SPTLC2: variants seen among roughly 807,000 people sequenced by gnomAD.
The protein encoded by SPTLC2 is serine palmitoyltransferase long chain base subunit 2.
SPTLC2 carries 21 observed loss-of-function variants against 62.0 expected under a neutral mutation model. The ratio of observed to expected loss-of-function variants is 0.34; its 90% CI spans 0.24 to 0.49. The LOEUF (loss-of-function observed/expected upper bound fraction) is 0.49, where lower values mean the gene tolerates loss of function less well. Among genes scored for constraint, SPTLC2 ranks in the 20% least tolerant of loss-of-function variants. The pLI, the probability that SPTLC2 is intolerant of heterozygous loss-of-function variation, is 0.99. For synonymous variants in SPTLC2, 261 were observed against 261.8 expected (o/e 1.00, Z 0.03); for missense variants, 511 against 713.0 (o/e 0.72, Z 3.23).
chr14:77,556,459 A>C (rs78760567), intron 7 of SPTLC2, among the ~76,000 whole-genome samples: 3,707 of 152,284 alleles, frequency 0.024, 144 homozygotes, highest in African/African-American at 0.085. Flanking sequence ...ATCACGTTGC[A>C]CAGGCAATTA....
chr14:77,551,622 C>A (rs1396357483), intron 9 of SPTLC2, among the ~76,000 whole-genome samples: 1 of 152,056 alleles, frequency 6.6e-6, no homozygotes. Context: ...GTTGGGACTA[C>A]AAATCCCATC....
At chr14:77,556,812 CAAAT>C (rs1315690603) in intron 7 of SPTLC2, among the ~76,000 whole-genome samples, 1 of 152,136 alleles carries the variant, frequency 6.6e-6, no homozygotes, top group Non-Finnish European at 1.5e-5. Flanking sequence ...ATAAAAGACT[CAAAT>C]AGAAAGGGGA....
chr14:77,518,178 G>GA lies in SPTLC2; in HGVS notation c.1440-12dup. 1.2e-6 allele frequency: 2 copies of GA among 1,614,070 alleles called. No individual in the cohort carries two copies. The highest frequency in any genetic ancestry group is 1.7e-6 in the Non-Finnish European group (2 of 1,179,978). On this transcript the variant is annotated splice_polypyrimidine_tract_variant and intron_variant, in intron 10 of 11. Transcript: ENST00000216484. ...TCCCGTCCAAAGGCGCTGCAAAGGG[G>GA]AAAACAAGAACAGAAACCAGGAGGA... is the stretch of plus-strand genomic sequence containing the variant.
rs1279845214 is a variant in SPTLC2 at position 77,511,058 on chromosome 14, G to C, written c.*1226C>G. 1.3e-5 allele frequency: 2 copies of C among 152,244 alleles called. No homozygotes were observed. Among genetic ancestry groups the C allele is most frequent in the African/African-American group, 4.8e-5 (2 of 41,412 alleles). The allele number at this position is 152,244 out of a possible 1,614,324, so 9.4% of individuals were successfully genotyped here. A position where few individuals can be genotyped will look rare whatever the true frequency, so the allele number is the denominator to read the frequency against. The stretch of plus-strand genomic sequence containing the variant: ...TTTAGGAAAGAGATCTATGTGTTCA[G>C]AATTTCTCAGAAAAAAATAAAAAAT... On this transcript the variant is annotated 3_prime_UTR_variant, in exon 12 of 12. Transcript: ENST00000216484.
chr14:77,541,014 AT>A (rs371896764), intron 9 of SPTLC2, among the ~76,000 whole-genome samples: 1 of 137,868 alleles, frequency 7.3e-6, no homozygotes, highest in Non-Finnish European at 1.6e-5. Context: ...CTTGCAAAAC[AT>A]TTTATTTATT....
At chr14:77,561,651 T>C (rs1233131061) in intron 6 of SPTLC2, among the ~76,000 whole-genome samples, 2 of 151,108 alleles carry the variant, frequency 1.3e-5, no homozygotes, top group African/African-American at 4.9e-5. Context: ...CATAGTGATA[T>C]TTAATAAGAT....
intron 9 of SPTLC2, among the ~76,000 whole-genome samples, chr14:77,527,191 G>T (rs1231455003): frequency 1.3e-5 from 2 of 151,776 alleles, no homozygotes; most frequent in Admixed American, 6.6e-5. Context: ...CTGCCTCTCA[G>T]GCTCAAGCGA....
At chr14:77,611,720 G>A (rs1050195690) in intron 1 of SPTLC2, among the ~76,000 whole-genome samples, 2 of 151,936 alleles carry the variant, frequency 1.3e-5, no homozygotes, top group African/African-American at 2.4e-5. Context: ...CAGCTACTCA[G>A]GAGGCTGAGG....
chr14:77,574,213 A>G (rs942798971), intron 4 of SPTLC2, among the ~76,000 whole-genome samples: 3 of 152,022 alleles, frequency 2.0e-5, no homozygotes, highest in Admixed American at 6.5e-5. Flanking sequence ...GAAGAAGGTC[A>G]TATCTATGCC....
chr14:77,556,261 C>T lies in SPTLC2; in HGVS notation c.957-742G>A, dbSNP rs562260116. Among the ~76,000 whole-genome samples the T allele has an allele frequency of 3.4e-4, 52 of 152,016 alleles. 1 individual carries two copies. Among genetic ancestry groups the T allele is most frequent in the African/African-American group, 1.0e-3 (42 of 41,466 alleles). On this transcript the variant is annotated intron_variant, in intron 7 of 11. Transcript: ENST00000216484. ...CCGGGAAGCGGAGGTTGCAGTGAGC[C>T]GACATCCCGCCACTGCACTCCAGCC...
intron 9 of SPTLC2, among the ~76,000 whole-genome samples, chr14:77,543,468 T>C (rs1356292189): frequency 6.6e-6 from 1 of 152,178 alleles, no homozygotes. Flanking sequence ...GGTAAAGGCT[T>C]GGCTTGGATT....
chr14:77,578,933 T>C, intron 3 of SPTLC2, 22 bp downstream of exon 3: 1 of 1,613,630 alleles, frequency 6.2e-7, no homozygotes, highest in Non-Finnish European at 8.5e-7. Context: ...TGTTGTCAAA[T>C]AATTTCCCAA....
Position 77,616,506 on chromosome 14 carries a change from A to C in SPTLC2, c.74T>G (p.Val25Gly). Residue 25 changes from valine to glycine, a missense_variant, in exon 1 of 12, where the codon GTA (valine) becomes GGA (glycine). Physicochemically the swap from Val to Gly is moderately radical, Grantham distance 109. Transcript: ENST00000216484. ...RANGCVANGEVRNGYVRSSAA... is the reference protein window; with the variant it reads ...RANGCVANGEGRNGYVRSSAA... ...GCTGCTCCTCACGTACCCGTTCCGT[A>C]CTTCCCCGTTCGCCACGCAGCCATT... is the stretch of plus-strand genomic sequence containing the variant. The C allele has an allele frequency of 6.5e-7, 1 of 1,534,074 alleles. No individual in the cohort carries two copies. The highest frequency in any genetic ancestry group is 8.7e-7 in the Non-Finnish European group (1 of 1,145,674).
intron 8 of SPTLC2, chr14:77,555,017 G>A: frequency 2.3e-6 from 1 of 428,194 alleles, no homozygotes; most frequent in South Asian, 2.1e-5. Flanking sequence ...GGCTGGGGCG[G>A]GCAGGGAGCA....
At chr14:77,584,719 C>T (rs2079771537) in intron 2 of SPTLC2, among the ~76,000 whole-genome samples, 1 of 152,178 alleles carries the variant, frequency 6.6e-6, no homozygotes, top group Admixed American at 6.6e-5. Flanking sequence ...GACCACTGTG[C>T]TATTGTCCTT....
intron 1 of SPTLC2, among the ~76,000 whole-genome samples, chr14:77,613,888 G>A (rs2079951066): frequency 6.6e-6 from 1 of 152,262 alleles, no homozygotes; most frequent in South Asian, 2.1e-4. Flanking sequence ...ATATTGTATT[G>A]CTCTCATGTA....
At position 77,570,235 on chromosome 14, in the gene SPTLC2, A is replaced by G. The variant is rs2079673071; in HGVS notation, c.756+149T>C. 9.5e-6 allele frequency: 11 copies of G among 1,156,566 alleles called. No individual in the cohort carries two copies. The East Asian group carries it at 1.6e-4, about 17-fold the overall frequency. The allele number at this position is 1,156,566 out of a possible 1,614,324, so 71.6% of individuals were successfully genotyped here. Reference sequence around the variant, plus strand: ...AAGACTCCATCTCAAAAAAAAAAAAAAAAAAGAAAAACAATTTGTGGTAGA... The same window carrying G: ...AAGACTCCATCTCAAAAAAAAAAAAGAAAAAGAAAAACAATTTGTGGTAGA... On this transcript the variant is annotated intron_variant, in intron 5 of 11. Coordinates refer to ENST00000216484, the MANE Select transcript of SPTLC2 (RefSeq NM_004863.4).
At chr14:77,613,577 A>G (rs2079949284) in intron 1 of SPTLC2, among the ~76,000 whole-genome samples, 1 of 152,244 alleles carries the variant, frequency 6.6e-6, no homozygotes, top group Non-Finnish European at 1.5e-5. Flanking sequence ...ATACACATTC[A>G]TTCATCTCTT....
chr14:77,556,356 C>A (rs944551405), intron 7 of SPTLC2, among the ~76,000 whole-genome samples: 1 of 151,880 alleles, frequency 6.6e-6, no homozygotes, highest in Admixed American at 6.6e-5. Flanking sequence ...AAAACAAGCA[C>A]CAAACACAAG....
Sources: gnomAD v4.1 joint callset for allele counts (sites outside exome capture counted in the v4.1 genomes callset) on GRCh38, gnomAD v4.1.1 for gene constraint, MANE v1.5 for transcripts, NCBI Gene and HGNC (gene_info 2026-07-23, HGNC 2026-07-21) for gene names.